NOP58: variants seen among roughly 807,000 people sequenced by gnomAD.
The protein encoded by NOP58 is nucleolar protein 58.
In NOP58, 44 loss-of-function variants were observed where a neutral mutation model predicts 71.2. The observed-to-expected ratio is 0.62, with a 90% CI of 0.49 to 0.79. The LOEUF (loss-of-function observed/expected upper bound fraction) is 0.79. NOP58 is among the 30% of genes least tolerant of loss of function. The pLI, the probability that NOP58 is intolerant of heterozygous loss-of-function variation, is 0.00. For synonymous variants in NOP58, 228 were observed against 200.3 expected (o/e 1.14, Z -1.17); for missense variants, 538 against 620.2 (o/e 0.87, Z 1.41).
intron 2 of NOP58, 89 bp from the exon 3 acceptor site, chr2:202,277,861 C>T (rs1688631080): frequency 2.8e-6 from 2 of 719,150 alleles, no homozygotes; most frequent in East Asian, 2.5e-5. Flanking sequence ...GCTTTGGAAA[C>T]AGTCAAGCAC....
intron 9 of NOP58, among the ~76,000 whole-genome samples, chr2:202,294,597 T>G (rs1168517665): frequency 6.6e-6 from 1 of 152,120 alleles, no homozygotes; most frequent in African/African-American, 2.4e-5. Context: ...AACATACATA[T>G]CTATAATAAA....
intron 12 of NOP58, among the ~76,000 whole-genome samples, chr2:202,299,250 A>ACG (rs1689049338): frequency 4.6e-5 from 7 of 151,836 alleles, no homozygotes; most frequent in Non-Finnish European, 8.8e-5. Context: ...GAGCCACAGC[A>ACG]CCCGGCCTCC....
At chr2:202,289,701 TCACAAAATA>T (rs892538293) in intron 6 of NOP58, among the ~76,000 whole-genome samples, 15 of 152,126 alleles carry the variant, frequency 9.9e-5, no homozygotes, top group African/African-American at 3.6e-4. Flanking sequence ...AGTGAAATAG[TCACAAAATA>T]CTGCATGATT....
At position 202,287,739 on chromosome 2, in the gene NOP58, T is replaced by C. The variant is rs201801757; in HGVS notation, c.499+15T>C. ...TCAGGCAATTTGTAAGTATAGTACA[T>C]GCAAAGTCCGATTTGTTGCTCTGTC... is the stretch of plus-strand genomic sequence containing the variant. On this transcript the variant is annotated intron_variant, in intron 6 of 14. Transcript: ENST00000264279. 2.0e-5 allele frequency: 31 copies of C among 1,579,078 alleles called. No individual in the cohort carries two copies. Among genetic ancestry groups the C allele is most frequent in the Non-Finnish European group, 2.6e-5 (30 of 1,148,216 alleles).
rs756080214 is a variant in NOP58, at chr2:202,303,394, G to A, written c.1548G>A (p.Glu516=). 2.5e-6 allele frequency: 4 copies of A among 1,609,842 alleles called. No individual in the cohort carries two copies. The highest frequency in any genetic ancestry group is 2.7e-5 in the African/African-American group (2 of 74,588). The change falls in exon 15 of 15, where the codon GAG becomes GAA. Residue 516 remains glutamate, a synonymous_variant. Transcript: ENST00000264279. ...PCTSTAIASP[E]KKKKKKKKRE... ...TTGTTGGCTATTTTCAGAGTCCAGA[G>A]AAAAAGAAGAAAAAGAAAAAAAAGA...
intron 13 of NOP58, among the ~76,000 whole-genome samples, chr2:202,302,462 C>T (rs993628793): frequency 2.0e-5 from 3 of 152,102 alleles, no homozygotes; most frequent in African/African-American, 7.2e-5. Context: ...ATACTTAGTG[C>T]TTTCTATGCA....
chr2:202,295,976 T>TA, intron 10 of NOP58, 139 bp downstream of exon 10: 2 of 613,922 alleles, frequency 3.3e-6, no homozygotes, highest in Non-Finnish European at 5.1e-6. Context: ...GTTATTTAAA[T>TA]AAAAAGTGCT....
chr2:202,296,843 C>T (rs1349102694), intron 10 of NOP58, among the ~76,000 whole-genome samples: 1 of 152,094 alleles, frequency 6.6e-6, no homozygotes, highest in African/African-American at 2.4e-5. Context: ...ACGCCATTCT[C>T]CTGCCTCAGC....
chr2:202,290,415 A>G lies in NOP58; in HGVS notation c.592A>G (p.Ile198Val). Residue 198 changes from isoleucine to valine, a missense_variant, in exon 7 of 15, where the codon ATT becomes GTT. By Grantham distance (29) the Ile-to-Val change is conservative (BLOSUM62 3). Transcript: ENST00000264279. The part of the protein sequence containing the change: ...GWHFPELGKI[I>V]SDNLTYCKCL... Reference sequence around the variant, plus strand: ...GCATTTCCCTGAATTAGGAAAAATTATTTCAGATAATTTAACATACTGCAA... The same window carrying G: ...GCATTTCCCTGAATTAGGAAAAATTGTTTCAGATAATTTAACATACTGCAA... 1.2e-6 allele frequency: 2 copies of G among 1,610,944 alleles called. No homozygotes were observed. Among genetic ancestry groups the G allele is most frequent in the Non-Finnish European group, 1.7e-6 (2 of 1,178,008 alleles).
At chr2:202,283,895 T>TA (rs2105845441) in intron 4 of NOP58, among the ~76,000 whole-genome samples, 2 of 152,342 alleles carry the variant, frequency 1.3e-5, no homozygotes, top group African/African-American at 4.8e-5. Context: ...CCACCAGTGA[T>TA]ACAGTCAAGT....
At position 202,303,500 on chromosome 2, in the gene NOP58, A is replaced by C; in HGVS notation, c.*64A>C. 1 of 1,557,388 alleles carries C rather than the reference A, an allele frequency of 6.4e-7. No homozygotes were observed. The highest frequency in any genetic ancestry group is 8.7e-7 in the Non-Finnish European group (1 of 1,149,902). On this transcript the variant is annotated 3_prime_UTR_variant, in exon 15 of 15. Coordinates refer to ENST00000264279, the MANE Select transcript of NOP58 (RefSeq NM_015934.5). ...ATGCTTAAGATTCAACTGGGAGCAT[A>C]CCAGGGATGCTCTCTAACGTAATCA...
Position 202,294,941 on chromosome 2 carries a change from C to T in NOP58, c.908-733C>T, listed in dbSNP as rs140138119. On this transcript the variant is annotated intron_variant, in intron 9 of 14. Transcript: ENST00000264279. ...GATCGCGCCACTGCACTCCAGCCTG[C>T]GCAACAGAGCGAAACTCTATCTCAA... 4.3e-4 allele frequency among the ~76,000 whole-genome samples: 64 copies of T among 149,794 alleles called. No individual in the cohort carries two copies. The East Asian group carries it at 0.012, about 27-fold the overall frequency.
intron 9 of NOP58, among the ~76,000 whole-genome samples, chr2:202,293,786 G>C (rs954676946): frequency 6.6e-6 from 1 of 151,972 alleles, no homozygotes; most frequent in African/African-American, 2.4e-5. Context: ...TGTTGGCCAG[G>C]CTGGTCTCAA....
chr2:202,277,059 G>GGGC (rs1688606853), intron 2 of NOP58, among the ~76,000 whole-genome samples: 1 of 152,122 alleles, frequency 6.6e-6, no homozygotes. Context: ...AGGCCAAGGC[G>GGGC]GGCGGATGAT....
chr2:202,272,760 A>G (rs930344606), intron 1 of NOP58, among the ~76,000 whole-genome samples: 1 of 152,248 alleles, frequency 6.6e-6, no homozygotes, highest in Non-Finnish European at 1.5e-5. Flanking sequence ...GATATGACTC[A>G]TGAGTAAAAT....
intron 3 of NOP58, among the ~76,000 whole-genome samples, chr2:202,278,514 TAA>T (rs1688643357): frequency 6.6e-6 from 1 of 152,166 alleles, no homozygotes. Flanking sequence ...GTGTTATTTT[TAA>T]AAGATTCAGA....
At position 202,298,235 on chromosome 2, in the gene NOP58, A is replaced by T. The variant is rs554713802; in HGVS notation, c.1268+329A>T. Among the ~76,000 whole-genome samples the T allele has an allele frequency of 2.6e-5, 4 of 152,270 alleles. No individual in the cohort carries two copies. In the South Asian group the frequency reaches 8.3e-4, roughly 32 times the overall value. On this transcript the variant is annotated intron_variant, in intron 12 of 14. Transcript: ENST00000264279. The stretch of plus-strand genomic sequence containing the variant: ...TGCACCCCTAATTTTTTTCCATGCC[A>T]TTTAGTTTTCCGCATTAACTTCTAC...
chr2:202,290,456 TG>T lies in NOP58; in HGVS notation c.634+1del, dbSNP rs1427415114. 1 of 1,607,030 alleles carries T rather than the reference TG, an allele frequency of 6.2e-7. No homozygotes were observed. The highest frequency in any genetic ancestry group is 1.1e-5 in the South Asian group (1 of 90,198). On this transcript the variant is annotated frameshift_variant and splice_region_variant, in exon 7 of 15. Coordinates refer to ENST00000264279, the MANE Select transcript of NOP58 (RefSeq NM_015934.5). LOFTEE classifies it high-confidence loss of function. ...CATACTGCAAGTGTTTACAGAAAGT[TG>T]GTGAGTAATTTGTTCATCCTTTAAG... Reference protein sequence around the residue: ...LTYCKCLQKVGDRKNYASAKL... With the variant: ...LTYCKCLQKVXDRKNYASAKL...
chr2:202,293,249 C>T (rs1373317056), intron 9 of NOP58: 3 of 389,924 alleles, frequency 7.7e-6, no homozygotes, highest in Non-Finnish European at 1.5e-5. Flanking sequence ...GATTTGAATA[C>T]AGTTTTAAGA....
Sources: allele counts gnomAD v4.1 joint callset (sites outside exome capture counted in the v4.1 genomes callset), GRCh38; gene constraint gnomAD v4.1.1; transcripts MANE v1.5; gene names NCBI Gene and HGNC (gene_info 2026-07-23, HGNC 2026-07-21).